PRKCA: variants seen among roughly 807,000 people sequenced by gnomAD.
The protein encoded by PRKCA is protein kinase C alpha.
In PRKCA, 27 loss-of-function variants were observed where a neutral mutation model predicts 87.0. The observed-to-expected ratio is 0.31, with a 90% CI of 0.23 to 0.43. The LOEUF is 0.43. PRKCA is among the 20% of genes least tolerant of loss of function. The pLI is 1.00. For missense variants in PRKCA, 518 were observed against 852.3 expected (o/e 0.61, Z 4.88); for synonymous variants, 329 against 311.1 (o/e 1.06, Z -0.61).
rs912553655 is a variant in PRKCA, at chr17:66,608,558, G to A, written c.289-32797G>A. Among the ~76,000 whole-genome samples, 6 of 152,004 alleles carry A rather than the reference G, an allele frequency of 3.9e-5. No individual in the cohort carries two copies. The East Asian group carries it at 9.6e-4, about 24-fold the overall frequency. ...ATTTGTTGTTTTGTATACCCTATAC[G>A]ATAGAAATTTGTTGCTGAAAAGGAA... On this transcript the variant is annotated intron_variant, in intron 3 of 16. Coordinates refer to ENST00000413366, the MANE Select transcript of PRKCA (RefSeq NM_002737.3).
intron 8 of PRKCA, among the ~76,000 whole-genome samples, chr17:66,704,345 T>C (rs1973140155): frequency 6.6e-6 from 1 of 152,232 alleles, no homozygotes; most frequent in Non-Finnish European, 1.5e-5. Context: ...ATCTTTATTA[T>C]AGCTTTAGAG....
chr17:66,424,303 G>C (rs890193450), intron 2 of PRKCA, among the ~76,000 whole-genome samples: 1 of 152,250 alleles, frequency 6.6e-6, no homozygotes, highest in African/African-American at 2.4e-5. Context: ...GCTGGGCCCG[G>C]TGGCTCACGC....
At chr17:66,687,011 A>C (rs1437818845) in intron 5 of PRKCA, 100 bp from the exon 6 acceptor site, 5 of 1,124,166 alleles carry the variant, frequency 4.4e-6, no homozygotes, top group Non-Finnish European at 6.3e-6. Flanking sequence ...CTTAAACGCC[A>C]TTCTGACGTC....
At chr17:66,569,002 C>T (rs1968983079) in intron 3 of PRKCA, among the ~76,000 whole-genome samples, 1 of 151,940 alleles carries the variant, frequency 6.6e-6, no homozygotes, top group African/African-American at 2.4e-5. Context: ...TTTTAAAAAC[C>T]TCAACCACAA....
chr17:66,669,418 G>T (rs1262989478), intron 5 of PRKCA, among the ~76,000 whole-genome samples: 1 of 151,772 alleles, frequency 6.6e-6, no homozygotes, highest in Admixed American at 6.6e-5. Context: ...ATGAAAGAGA[G>T]AATAATGAAA....
At chr17:66,705,495 A>G (rs1047351064) in intron 8 of PRKCA, among the ~76,000 whole-genome samples, 3 of 152,228 alleles carry the variant, frequency 2.0e-5, no homozygotes, top group Admixed American at 6.5e-5. Flanking sequence ...TTGGGAAACC[A>G]AAAAAGATTG....
chr17:66,423,810 G>A (rs1018877882), intron 2 of PRKCA, among the ~76,000 whole-genome samples: 2 of 143,282 alleles, frequency 1.4e-5, no homozygotes, highest in Non-Finnish European at 3.2e-5. Context: ...CCCTGGAGCC[G>A]AATGTGTTTA....
intron 2 of PRKCA, among the ~76,000 whole-genome samples, chr17:66,320,175 G>C (rs1278609432): frequency 6.6e-6 from 1 of 152,132 alleles, no homozygotes; most frequent in Non-Finnish European, 1.5e-5. Flanking sequence ...TCTAGCCCAG[G>C]TTCTTGAATT....
intron 5 of PRKCA, among the ~76,000 whole-genome samples, chr17:66,653,019 C>T (rs1304611954): frequency 6.6e-6 from 1 of 152,366 alleles, no homozygotes; most frequent in East Asian, 1.9e-4. Flanking sequence ...GGCCCCTGGC[C>T]CCTGGCCCCC....
chr17:66,756,914 C>T (rs1052062160), intron 13 of PRKCA, among the ~76,000 whole-genome samples: 2 of 152,200 alleles, frequency 1.3e-5, no homozygotes, highest in Non-Finnish European at 2.9e-5. Flanking sequence ...CCGCCTGCCT[C>T]AGTCTCCCAG....
chr17:66,307,675 C>T (rs9892651), intron 2 of PRKCA, among the ~76,000 whole-genome samples: 89,536 of 151,846 alleles, frequency 0.59, 26,622 homozygotes, highest in African/African-American at 0.64. Flanking sequence ...ATCACAGTGG[C>T]CGTATTACTA....
At chr17:66,318,447 G>A (rs1296299589) in intron 2 of PRKCA, among the ~76,000 whole-genome samples, 1 of 151,728 alleles carries the variant, frequency 6.6e-6, no homozygotes, top group East Asian at 1.9e-4. Flanking sequence ...AGGCACCATA[G>A]CACATGCTGG....
intron 14 of PRKCA, among the ~76,000 whole-genome samples, chr17:66,783,464 A>G (rs1292183807): frequency 6.6e-6 from 1 of 152,162 alleles, no homozygotes; most frequent in Non-Finnish European, 1.5e-5. Flanking sequence ...ACTTGACAGT[A>G]AAAGTCCTCC....
In PRKCA at chr17:66,523,783, G is replaced by T. The variant is rs141748708; in HGVS notation, c.288+27500G>T. ...CACTTTGGACCTAAGGCAGGTCCAGGGTGGTGCCTGGTGGACATGAAGAAG... is the reference window on the plus strand; with the variant it reads ...CACTTTGGACCTAAGGCAGGTCCAGTGTGGTGCCTGGTGGACATGAAGAAG... On this transcript the variant is annotated intron_variant, in intron 3 of 16. Transcript: ENST00000413366. Among the ~76,000 whole-genome samples the T allele has an allele frequency of 6.6e-3, 999 of 152,264 alleles. 15 individuals are homozygous for T. The highest frequency in any genetic ancestry group is 0.021 in the African/African-American group (873 of 41,542).
At chr17:66,458,184 T>C (rs139385370) in intron 2 of PRKCA, among the ~76,000 whole-genome samples, 2 of 152,362 alleles carry the variant, frequency 1.3e-5, no homozygotes, top group Non-Finnish European at 2.9e-5. Flanking sequence ...TGAGTTATTA[T>C]TGGAACATGA....
intron 3 of PRKCA, among the ~76,000 whole-genome samples, chr17:66,519,132 G>A (rs539119323): frequency 6.6e-6 from 1 of 152,272 alleles, no homozygotes; most frequent in African/African-American, 2.4e-5. Flanking sequence ...CTATGTCCTG[G>A]TTTGGGGCCG....
intron 3 of PRKCA, among the ~76,000 whole-genome samples, chr17:66,580,064 TAAATG>T (rs1017276511): frequency 6.6e-6 from 1 of 152,112 alleles, no homozygotes; most frequent in African/African-American, 2.4e-5. Context: ...TTTCCACAAA[TAAATG>T]AAAGGAATGG....
At chr17:66,553,220 G>T (rs895871109) in intron 3 of PRKCA, among the ~76,000 whole-genome samples, 2 of 152,048 alleles carry the variant, frequency 1.3e-5, no homozygotes, top group Admixed American at 6.6e-5. Context: ...GAGCTCAAGC[G>T]ATCCACCCGC....
In PRKCA at chr17:66,395,625, A is replaced by C. The variant is rs1461615384; in HGVS notation, c.205+89498A>C. 3.9e-5 allele frequency among the ~76,000 whole-genome samples: 6 copies of C among 152,326 alleles called. No individual in the cohort carries two copies. The South Asian group carries it at 8.3e-4, about 21-fold the overall frequency. ...AAAGTCCTGTTAACTAAGCACAAGG[A>C]ACAGTTCCTACCACTGATCTATGTT... On this transcript the variant is annotated intron_variant, in intron 2 of 16. Coordinates refer to ENST00000413366, the MANE Select transcript of PRKCA (RefSeq NM_002737.3).
Sources: gnomAD v4.1 joint callset for allele counts (sites outside exome capture counted in the v4.1 genomes callset) on GRCh38, gnomAD v4.1.1 for gene constraint, MANE v1.5 for transcripts, NCBI Gene and HGNC (gene_info 2026-07-23, HGNC 2026-07-21) for gene names.